The following EPHA5 variants were observed in gnomAD, a reference collection of about 807,000 sequenced individuals.
EPHA5 encodes EPH receptor A5.
A neutral mutation model predicts 105.0 loss-of-function variants in EPHA5; 60 were observed. That is an observed-to-expected ratio of 0.57 (90% CI 0.46 to 0.71). The LOEUF (loss-of-function observed/expected upper bound fraction) is 0.71. Among genes scored for constraint, EPHA5 ranks in the 30% least tolerant of loss-of-function variants. The pLI is 0.00. For synonymous variants in EPHA5, 513 were observed against 449.1 expected (o/e 1.14, Z -1.80); for missense variants, 1,218 against 1,274.7 (o/e 0.96, Z 0.68).
At chr4:65,508,001 G>C (rs1733236555) in intron 3 of EPHA5, among the ~76,000 whole-genome samples, 1 of 151,784 alleles carries the variant, frequency 6.6e-6, no homozygotes, top group Admixed American at 6.6e-5. Flanking sequence ...ATGACCCTTA[G>C]GCTCTTTTAC....
chr4:65,599,007 T>C (rs1743449366), intron 3 of EPHA5, among the ~76,000 whole-genome samples: 1 of 151,992 alleles, frequency 6.6e-6, no homozygotes, highest in Non-Finnish European at 1.5e-5. Flanking sequence ...GAAACAAATA[T>C]TTGCATTTGT....
At chr4:65,382,932 G>A (rs1468322748) in intron 8 of EPHA5, among the ~76,000 whole-genome samples, 1 of 151,214 alleles carries the variant, frequency 6.6e-6, no homozygotes, top group Non-Finnish European at 1.5e-5. Flanking sequence ...TTAATGGCCT[G>A]CATGTAAGCA....
intron 2 of EPHA5, among the ~76,000 whole-genome samples, chr4:65,642,272 C>T (rs2149512807): frequency 6.6e-6 from 1 of 151,858 alleles, no homozygotes; most frequent in South Asian, 2.1e-4. Context: ...CAGATGTTAG[C>T]CAGGCATTTA....
At position 65,669,811 on chromosome 4, in the gene EPHA5, G is replaced by A. The variant is rs186801610; in HGVS notation, c.-69C>T. On this transcript the variant is annotated 5_prime_UTR_variant, in exon 1 of 17. Transcript: ENST00000613740. ...TCCACCGCTTCGGCCTCGCAGAGCGGCGAAGGGAGACTCGGGAGTCCTCCT... is the reference window on the plus strand; with the variant it reads ...TCCACCGCTTCGGCCTCGCAGAGCGACGAAGGGAGACTCGGGAGTCCTCCT... The A allele has an allele frequency of 4.8e-5, 59 of 1,233,926 alleles. No homozygotes were observed. In the East Asian group the frequency reaches 1.8e-3, roughly 38 times the overall value. The allele number at this position is 1,233,926 out of a possible 1,614,324, so 76.4% of individuals were successfully genotyped here.
intron 3 of EPHA5, among the ~76,000 whole-genome samples, chr4:65,574,709 C>CAT (rs1203901938): frequency 1.5e-5 from 1 of 67,780 alleles, no homozygotes; most frequent in Non-Finnish European, 3.0e-5. Context: ...CATATATATA[C>CAT]ATATATATAT....
chr4:65,411,247 C>T (rs189031572), intron 7 of EPHA5, among the ~76,000 whole-genome samples: 8 of 151,970 alleles, frequency 5.3e-5, no homozygotes, highest in East Asian at 1.9e-4. Flanking sequence ...AAAAGTTTTG[C>T]GTTTCCTGTT....
intron 1 of EPHA5, among the ~76,000 whole-genome samples, chr4:65,651,097 A>G (rs566223869): frequency 6.6e-6 from 1 of 152,350 alleles, no homozygotes; most frequent in South Asian, 2.1e-4. Context: ...ATATTAGTAA[A>G]GAAAACTCCT....
At chr4:65,396,547 G>A (rs1721259621) in intron 8 of EPHA5, among the ~76,000 whole-genome samples, 1 of 152,142 alleles carries the variant, frequency 6.6e-6, no homozygotes, top group Non-Finnish European at 1.5e-5. Flanking sequence ...CAGTACCACT[G>A]GAGGACCCTA....
chr4:65,365,804 A>G, intron 10 of EPHA5, 128 bp downstream of exon 10: 1 of 893,842 alleles, frequency 1.1e-6, no homozygotes, highest in Non-Finnish European at 1.7e-6. Flanking sequence ...GTGATCAGTT[A>G]CATATCACTT....
chr4:65,526,612 C>A (rs565903649), intron 3 of EPHA5, among the ~76,000 whole-genome samples: 1 of 151,856 alleles, frequency 6.6e-6, no homozygotes, highest in African/African-American at 2.4e-5. Context: ...TAGTAAATTT[C>A]CATTGTTTGT....
At position 65,490,522 on chromosome 4, in the gene EPHA5, G is replaced by A. The variant is rs753971619; in HGVS notation, c.1257C>T (p.Ser419=). ...TCATGACAGAGGTGTTTTTCAGGCC[G>A]CTTTGCCGGGGAAGGTACCTGACAT... ...GGHVRYLPRQ[S]GLKNTSVMMV... Residue 419 remains serine (S), a synonymous_variant, in exon 5 of 17, where the codon AGC becomes AGT. Coordinates refer to ENST00000613740, the MANE Select transcript of EPHA5 (RefSeq NM_001281766.3). 3.1e-6 allele frequency: 5 copies of A among 1,613,958 alleles called. No homozygotes were observed. The highest frequency in any genetic ancestry group is 4.2e-6 in the Non-Finnish European group (5 of 1,180,016).
chr4:65,647,172 C>CA (rs1417448418), intron 1 of EPHA5, among the ~76,000 whole-genome samples: 5 of 151,192 alleles, frequency 3.3e-5, no homozygotes, highest in South Asian at 4.2e-4. Flanking sequence ...ACTAAAAATA[C>CA]AAAAAAATTA....
intron 1 of EPHA5, among the ~76,000 whole-genome samples, chr4:65,667,794 A>G (rs1362819259): frequency 6.6e-6 from 1 of 152,084 alleles, no homozygotes; most frequent in Non-Finnish European, 1.5e-5. Context: ...CCCTTCCATC[A>G]CACCTGGAGA....
chr4:65,405,637 C>G (rs1278207857), intron 7 of EPHA5, among the ~76,000 whole-genome samples: 2 of 152,128 alleles, frequency 1.3e-5, no homozygotes, highest in African/African-American at 2.4e-5. Flanking sequence ...ATATTATTAA[C>G]AGCTGTTTTG....
chr4:65,356,624 T>C (rs944539442), intron 11 of EPHA5, among the ~76,000 whole-genome samples: 1 of 151,540 alleles, frequency 6.6e-6, no homozygotes, highest in African/African-American at 2.4e-5. Context: ...TTGAGAAAGA[T>C]GATAAGGACC....
At chr4:65,588,267 A>G (rs1742309347) in intron 3 of EPHA5, among the ~76,000 whole-genome samples, 1 of 152,128 alleles carries the variant, frequency 6.6e-6, no homozygotes, top group African/African-American at 2.4e-5. Context: ...TATCCTGACA[A>G]TTCTGATATT....
At chr4:65,421,483 A>C (rs1245852980) in intron 5 of EPHA5, among the ~76,000 whole-genome samples, 1 of 152,148 alleles carries the variant, frequency 6.6e-6, no homozygotes, top group African/African-American at 2.4e-5. Context: ...TTCAGTAGTG[A>C]ATATCTGTAT....
intron 12 of EPHA5, among the ~76,000 whole-genome samples, chr4:65,352,700 T>A (rs965010596): frequency 6.6e-6 from 1 of 151,918 alleles, no homozygotes; most frequent in Admixed American, 6.6e-5. Flanking sequence ...CGAACACTTG[T>A]AAGACCTTAT....
chr4:65,653,981 G>T (rs1407877850), intron 1 of EPHA5, among the ~76,000 whole-genome samples: 13 of 151,968 alleles, frequency 8.6e-5, no homozygotes, highest in African/African-American at 3.1e-4. Context: ...CATAGGTCTG[G>T]CAATGAGATA....
Sources: allele counts gnomAD v4.1 joint callset (sites outside exome capture counted in the v4.1 genomes callset), GRCh38; gene constraint gnomAD v4.1.1; transcripts MANE v1.5; gene names NCBI Gene and HGNC (gene_info 2026-07-23, HGNC 2026-07-21).